The following CSPP1 variants were observed in gnomAD, a reference collection of about 807,000 sequenced individuals.
CSPP1 encodes centrosome and spindle pole associated protein 1, also known as centrosome and spindle pole-associated protein 1.
Under a neutral mutation model 164.4 loss-of-function variants are expected in CSPP1, and 126 were observed. That is an observed-to-expected ratio of 0.77 (90% CI 0.66 to 0.89). The LOEUF is 0.89. Among genes scored for constraint, CSPP1 ranks in the 40% least tolerant of loss-of-function variants. CSPP1 has a pLI of 0.00. For synonymous variants in CSPP1, 472 were observed against 476.7 expected (o/e 0.99, Z 0.13); for missense variants, 1,395 against 1,449.8 (o/e 0.96, Z 0.61).
intron 19 of CSPP1, 41 bp from the exon 20 acceptor site, chr8:67,158,406 C>A: frequency 6.6e-7 from 1 of 1,506,036 alleles, no homozygotes; most frequent in South Asian, 1.3e-5. Flanking sequence ...TCTAACTTTT[C>A]AATAGTTTTA....
At chr8:67,070,671 T>C (rs1269487496) in intron 1 of CSPP1, among the ~76,000 whole-genome samples, 2 of 151,102 alleles carry the variant, frequency 1.3e-5, no homozygotes, top group African/African-American at 2.4e-5. Context: ...TTGGCCAGAA[T>C]TTATCAACTT....
At chr8:67,126,989 C>T (rs780239029) in intron 15 of CSPP1, among the ~76,000 whole-genome samples, 1 of 151,794 alleles carries the variant, frequency 6.6e-6, no homozygotes, top group Non-Finnish European at 1.5e-5. Context: ...TGGGGAATTC[C>T]AGACCTATTC....
At chr8:67,116,244 G>A in intron 13 of CSPP1, 122 bp downstream of exon 13, 1 of 657,708 alleles carries the variant, frequency 1.5e-6, no homozygotes, top group East Asian at 2.7e-5. Flanking sequence ...TAACAGTTTT[G>A]TGAAATAAAT....
intron 15 of CSPP1, among the ~76,000 whole-genome samples, chr8:67,129,819 T>C (rs1423521400): frequency 6.6e-6 from 1 of 152,218 alleles, no homozygotes; most frequent in Non-Finnish European, 1.5e-5. Flanking sequence ...AGCAGGCTAC[T>C]TACTTAATAA....
At chr8:67,120,193 A>AG (rs1818708586) in intron 15 of CSPP1, among the ~76,000 whole-genome samples, 1 of 152,072 alleles carries the variant, frequency 6.6e-6, no homozygotes, top group African/African-American at 2.4e-5. Flanking sequence ...ACGAGGGTTT[A>AG]TTTTTGGGCT....
chr8:67,130,495 A>G (rs184567082), intron 15 of CSPP1, among the ~76,000 whole-genome samples: 4 of 152,330 alleles, frequency 2.6e-5, no homozygotes, highest in Admixed American at 2.0e-4. Flanking sequence ...TGCTCTGAAA[A>G]AATACAGTCA....
intron 4 of CSPP1, chr8:67,086,791 CT>C: frequency 7.6e-7 from 1 of 1,315,458 alleles, no homozygotes; most frequent in Non-Finnish European, 1.0e-6. Flanking sequence ...ACTTAATACA[CT>C]TTGTCAATGG....
rs1044730581 is a variant in CSPP1, at chr8:67,193,610, A to T, written c.3469+8A>T. ...ATAAACCTATTAATACAGGTAAATG[A>T]CCAAGTGTAATGGCCTATAGTAGAA... On this transcript the variant is annotated splice_region_variant and intron_variant, in intron 30 of 30. Transcript: ENST00000678616. 6.2e-7 allele frequency: 1 copy of T among 1,610,942 alleles called. No individual in the cohort carries two copies. The highest frequency in any genetic ancestry group is 8.5e-7 in the Non-Finnish European group (1 of 1,177,888).
At chr8:67,185,704 G>A (rs1438781880) in intron 28 of CSPP1, among the ~76,000 whole-genome samples, 1 of 152,192 alleles carries the variant, frequency 6.6e-6, no homozygotes, top group Non-Finnish European at 1.5e-5. Context: ...AGGTTCCAAA[G>A]AAAAAAGTAA....
intron 15 of CSPP1, among the ~76,000 whole-genome samples, chr8:67,130,902 C>T (rs541272105): frequency 1.3e-5 from 2 of 152,138 alleles, no homozygotes; most frequent in South Asian, 2.1e-4. Context: ...GCAGGAGAAT[C>T]GCTTAAACCC....
chr8:67,064,604 G>GCTCC, intron 1 of CSPP1, 66 bp downstream of exon 1: 1 of 1,445,596 alleles, frequency 6.9e-7, no homozygotes, highest in Non-Finnish European at 9.2e-7. Context: ...GCCCCGGAGC[G>GCTCC]GGGGCAGGGG....
At chr8:67,102,678 A>G (rs1015500486) in intron 7 of CSPP1, among the ~76,000 whole-genome samples, 2 of 152,222 alleles carry the variant, frequency 1.3e-5, no homozygotes, top group African/African-American at 4.8e-5. Flanking sequence ...AATTTTGACT[A>G]TAATCTTTGT....
At chr8:67,085,963 T>A (rs745498190) in intron 3 of CSPP1, 44 bp from the exon 4 acceptor site, 1 of 831,434 alleles carries the variant, frequency 1.2e-6, no homozygotes, top group East Asian at 2.4e-5. Context: ...AACTTTGAGA[T>A]TGGTTTGAAA....
chr8:67,074,207 T>C (rs1302168240), intron 1 of CSPP1, 36 bp from the exon 2 acceptor site: 2 of 1,191,766 alleles, frequency 1.7e-6, no homozygotes, highest in Non-Finnish European at 2.5e-6. Context: ...AAAAATACTG[T>C]GATATAGATA....
At chr8:67,187,011 ATCTAATCT>A (rs1267912637) in intron 28 of CSPP1, among the ~76,000 whole-genome samples, 1 of 150,176 alleles carries the variant, frequency 6.7e-6, no homozygotes, top group Non-Finnish European at 1.5e-5. Flanking sequence ...CTATCTATCT[ATCTAATCT>A]ATCTATCTAG....
rs139200521 is a variant in CSPP1 at position 67,070,951 on chromosome 8, T to G, written c.-10-3292T>G. On this transcript the variant is annotated intron_variant, in intron 1 of 30. Transcript: ENST00000678616. ...TTTTATTTTTAGTAGAGACAAGATC[T>G]TACTATGTTGCCCAGGCTGGTCTTG... 2.4e-3 allele frequency among the ~76,000 whole-genome samples: 367 copies of G among 152,046 alleles called. 2 individuals carry two copies. The highest frequency in any genetic ancestry group is 6.5e-3 in the Admixed American group (99 of 15,272).
intron 15 of CSPP1, among the ~76,000 whole-genome samples, chr8:67,127,877 A>T (rs1365636060): frequency 6.6e-6 from 1 of 152,252 alleles, no homozygotes; most frequent in Non-Finnish European, 1.5e-5. Flanking sequence ...GAATTATCTT[A>T]CAAACCAATG....
intron 28 of CSPP1, among the ~76,000 whole-genome samples, chr8:67,186,970 C>A (rs865867204): frequency 6.7e-6 from 1 of 149,752 alleles, no homozygotes; most frequent in Non-Finnish European, 1.5e-5. Flanking sequence ...ATCTATCTAT[C>A]ATCTATCTAT....
chr8:67,087,293 A>G (rs1810610115), intron 4 of CSPP1, among the ~76,000 whole-genome samples: 2 of 152,192 alleles, frequency 1.3e-5, no homozygotes, highest in Admixed American at 1.3e-4. Context: ...GTCCATTTAT[A>G]TTGGAAAACA....
Sources: allele counts gnomAD v4.1 joint callset (sites outside exome capture counted in the v4.1 genomes callset), GRCh38; gene constraint gnomAD v4.1.1; transcripts MANE v1.5; gene names NCBI Gene and HGNC (gene_info 2026-07-23, HGNC 2026-07-21).